The following MPHOSPH8 variants were observed in gnomAD, a reference collection of about 807,000 sequenced individuals.
MPHOSPH8 encodes M-phase phosphoprotein, mpp.
In MPHOSPH8, 45 loss-of-function variants were observed where a neutral mutation model predicts 87.3. The observed-to-expected ratio is 0.52, with a 90% CI of 0.41 to 0.66. The LOEUF (loss-of-function observed/expected upper bound fraction) is 0.66, where lower values mean the gene tolerates loss of function less well. Ranked by LOEUF, MPHOSPH8 falls within the 30% of genes least tolerant of loss-of-function variation. The pLI is 0.00. For missense variants in MPHOSPH8, 883 were observed against 1,020.2 expected (o/e 0.87, Z 1.83); for synonymous variants, 366 against 376.9 (o/e 0.97, Z 0.33).
At chr13:19,667,648 G>A (rs2137542499) in intron 10 of MPHOSPH8, among the ~76,000 whole-genome samples, 1 of 152,092 alleles carries the variant, frequency 6.6e-6, no homozygotes, top group Non-Finnish European at 1.5e-5. Context: ...TTAGCAATAG[G>A]CATTCAAGAT....
intron 9 of MPHOSPH8, among the ~76,000 whole-genome samples, chr13:19,665,530 A>G (rs1875766162): frequency 6.6e-6 from 1 of 152,086 alleles, no homozygotes; most frequent in African/African-American, 2.4e-5. Flanking sequence ...TAACCTCTGC[A>G]CTGGATGCCC....
At chr13:19,670,938 G>T in intron 12 of MPHOSPH8, 2 of 972,492 alleles carry the variant, frequency 2.1e-6, no homozygotes. Context: ...TCCCACCTCA[G>T]CCTCCTAACT....
At chr13:19,653,284 C>G (rs963566972) in intron 5 of MPHOSPH8, among the ~76,000 whole-genome samples, 2 of 152,186 alleles carry the variant, frequency 1.3e-5, no homozygotes, top group Non-Finnish European at 2.9e-5. Flanking sequence ...GATACCCAGG[C>G]AAACAGAGTC....
rs546732566 is a variant in MPHOSPH8, at chr13:19,639,926, G to A, written c.214-2189G>A. On this transcript the variant is annotated intron_variant, in intron 1 of 13. Coordinates refer to ENST00000361479, the MANE Select transcript of MPHOSPH8 (RefSeq NM_017520.4). ...TTGAAACCAGCCTGGCCAACATGCC[G>A]AAACCCCATCTCTACTAAACAATAC... is the stretch of plus-strand genomic sequence containing the variant. Among the ~76,000 whole-genome samples, 7 of 152,122 alleles carry A rather than the reference G, an allele frequency of 4.6e-5. No individual in the cohort carries two copies. In the East Asian group the frequency reaches 9.7e-4, roughly 21 times the overall value.
At chr13:19,663,227 G>A (rs997583183) in intron 9 of MPHOSPH8, 101 bp downstream of exon 9, 70 of 1,069,190 alleles carry the variant, frequency 6.5e-5, no homozygotes, top group Non-Finnish European at 9.8e-5. Context: ...TGAGAACAGA[G>A]TGGGTACCAA....
intron 1 of MPHOSPH8, among the ~76,000 whole-genome samples, chr13:19,634,247 T>A (rs1267095309): frequency 6.6e-6 from 1 of 152,188 alleles, no homozygotes; most frequent in African/African-American, 2.4e-5. Context: ...TGCAGGCAGC[T>A]GGTGAAGGGA....
At position 19,659,121 on chromosome 13, in the gene MPHOSPH8, G is replaced by A; in HGVS notation, c.1702+1G>A. 1 of 1,613,246 alleles carries A rather than the reference G, an allele frequency of 6.2e-7. No individual in the cohort carries two copies. Among genetic ancestry groups the A allele is most frequent in the Non-Finnish European group, 8.5e-7 (1 of 1,179,804 alleles). ...GCTGCAACAGATGCAATTCCAAGTA[G>A]TGAGTAGTTTTGGAAATATTGAAAT... On this transcript the variant is annotated splice_donor_variant, in intron 6 of 13. Transcript: ENST00000361479. LOFTEE classifies it high-confidence loss of function.
intron 3 of MPHOSPH8, 130 bp downstream of exon 3, chr13:19,647,421 A>G (rs1460814880): frequency 2.7e-6 from 2 of 748,142 alleles, no homozygotes; most frequent in Admixed American, 3.5e-5. Context: ...AAGATCCTCC[A>G]GCTTTTGGAC....
chr13:19,669,509 C>T (rs906709019), intron 11 of MPHOSPH8, among the ~76,000 whole-genome samples: 22 of 118,684 alleles, frequency 1.9e-4, no homozygotes, highest in African/African-American at 6.0e-4. Flanking sequence ...TCTGCATCCA[C>T]CAACTTTTTT....
Position 19,638,713 on chromosome 13 carries a change from ATGAT to A in MPHOSPH8, c.214-3398_214-3395del, listed in dbSNP as rs549440611. Among the ~76,000 whole-genome samples, 745 of 152,302 alleles carry A rather than the reference ATGAT, an allele frequency of 4.9e-3. 2 individuals carry two copies. Among genetic ancestry groups the A allele is most frequent in the Admixed American group, 0.011 (174 of 15,290 alleles). ...TTGATCTTTCTACACAGATAACTGAATGATTGAAGGGCAGTGTGGGTACAATTGA... is the reference window on the plus strand; with the variant it reads ...TTGATCTTTCTACACAGATAACTGAATGAAGGGCAGTGTGGGTACAATTGA... On this transcript the variant is annotated intron_variant, in intron 1 of 13. Coordinates refer to ENST00000361479, the MANE Select transcript of MPHOSPH8 (RefSeq NM_017520.4).
intron 4 of MPHOSPH8, 25 bp from the exon 5 acceptor site, chr13:19,649,978 C>T (rs117058678): frequency 0.022 from 33,488 of 1,515,306 alleles, 487 homozygotes; most frequent in Middle Eastern, 0.041. Flanking sequence ...TCATACTTAA[C>T]CATCTATTTT....
intron 5 of MPHOSPH8, among the ~76,000 whole-genome samples, chr13:19,656,356 G>A (rs1347644057): frequency 6.7e-6 from 1 of 149,930 alleles, no homozygotes; most frequent in Non-Finnish European, 1.5e-5. Context: ...ATTATTAGAA[G>A]TATTAAAAAT....
At chr13:19,663,174 G>GCCAACACGAGCAC in intron 9 of MPHOSPH8, 48 bp downstream of exon 9, 1 of 1,490,486 alleles carries the variant, frequency 6.7e-7, no homozygotes, top group Non-Finnish European at 9.4e-7. Flanking sequence ...GTTGGCAGGT[G>GCCAACACGAGCAC]CTCGTGTTGG....
At chr13:19,649,472 G>C (rs1480008705) in intron 4 of MPHOSPH8, among the ~76,000 whole-genome samples, 2 of 151,928 alleles carry the variant, frequency 1.3e-5, no homozygotes, top group Non-Finnish European at 2.9e-5. Context: ...TCTTCTTTTT[G>C]GGGTTATTTC....
intron 2 of MPHOSPH8, among the ~76,000 whole-genome samples, chr13:19,644,456 T>C (rs767587125): frequency 4.6e-5 from 7 of 152,252 alleles, no homozygotes; most frequent in African/African-American, 1.7e-4. Context: ...GTCTCTCTTA[T>C]AACCCTCATT....
intron 2 of MPHOSPH8, among the ~76,000 whole-genome samples, chr13:19,645,115 A>T (rs145838928): frequency 1.7e-4 from 26 of 152,070 alleles, no homozygotes; most frequent in African/African-American, 5.8e-4. Context: ...AGGGCCTGGG[A>T]GGGGTCAGCC....
chr13:19,652,170 C>T (rs138394443), intron 5 of MPHOSPH8, among the ~76,000 whole-genome samples: 1 of 152,304 alleles, frequency 6.6e-6, no homozygotes, highest in East Asian at 1.9e-4. Flanking sequence ...CTCCGTTCCG[C>T]AATTCTCAGC....
intron 3 of MPHOSPH8, 142 bp downstream of exon 3, chr13:19,647,433 C>T: frequency 1.5e-6 from 1 of 656,486 alleles, no homozygotes; most frequent in Admixed American, 3.5e-5. Flanking sequence ...CTTTTGGACA[C>T]CGCAGCTTAT....
chr13:19,671,923 CT>C lies in MPHOSPH8; in HGVS notation c.*49del. 1 of 1,570,624 alleles carries C rather than the reference CT, an allele frequency of 6.4e-7. No homozygotes were observed. The highest frequency in any genetic ancestry group is 8.8e-7 in the Non-Finnish European group (1 of 1,142,330). ...AGTTCTCTTCAGACCGATTCCTATA[CT>C]CTCTTTGACAGCAGTTTGGAATTCT... On this transcript the variant is annotated 3_prime_UTR_variant, in exon 14 of 14. Coordinates refer to ENST00000361479, the MANE Select transcript of MPHOSPH8 (RefSeq NM_017520.4).
Sources: gnomAD v4.1 joint callset for allele counts (sites outside exome capture counted in the v4.1 genomes callset) on GRCh38, gnomAD v4.1.1 for gene constraint, MANE v1.5 for transcripts, NCBI Gene and HGNC (gene_info 2026-07-23, HGNC 2026-07-21) for gene names.